Variants in PTPRT observed in about 807,000 individuals in gnomAD.
PTPRT encodes the protein protein tyrosine phosphatase receptor type T, also known as receptor-type tyrosine-protein phosphatase T.
A neutral mutation model predicts 176.8 loss-of-function variants in PTPRT; 56 were observed. The ratio of observed to expected loss-of-function variants is 0.32; its 90% CI spans 0.26 to 0.40. The LOEUF (loss-of-function observed/expected upper bound fraction) is 0.40, where lower values mean the gene tolerates loss of function less well. Ranked by LOEUF, PTPRT falls within the 10% of genes least tolerant of loss-of-function variation. PTPRT has a pLI of 1.00. For synonymous variants in PTPRT, 783 were observed against 739.0 expected (o/e 1.06, Z -0.96); for missense variants, 1,540 against 1,908.2 (o/e 0.81, Z 3.60).
At chr20:42,556,393 A>C (rs2072861203) in intron 7 of PTPRT, among the ~76,000 whole-genome samples, 1 of 152,128 alleles carries the variant, frequency 6.6e-6, no homozygotes, top group Non-Finnish European at 1.5e-5. Context: ...CATATTTACA[A>C]ATGAGAACAC....
intron 1 of PTPRT, among the ~76,000 whole-genome samples, chr20:43,061,633 A>G (rs1987466536): frequency 6.6e-6 from 1 of 152,206 alleles, no homozygotes; most frequent in Non-Finnish European, 1.5e-5. Flanking sequence ...TCTACTGAGC[A>G]CTTACTCCAT....
At chr20:42,877,805 A>G (rs1235262597) in intron 2 of PTPRT, among the ~76,000 whole-genome samples, 1 of 152,188 alleles carries the variant, frequency 6.6e-6, no homozygotes, top group Non-Finnish European at 1.5e-5. Flanking sequence ...TGGATTGACT[A>G]GTGCTTGGAC....
At chr20:42,655,871 G>A (rs6124482) in intron 7 of PTPRT, among the ~76,000 whole-genome samples, 9,326 of 152,204 alleles carry the variant, frequency 0.061, 503 homozygotes, top group East Asian at 0.3. Flanking sequence ...CAGGCATAAG[G>A]ACTTGAAGTT....
At chr20:42,366,100 C>A (rs1323088970) in intron 9 of PTPRT, among the ~76,000 whole-genome samples, 1 of 152,224 alleles carries the variant, frequency 6.6e-6, no homozygotes, top group African/African-American at 2.4e-5. Context: ...TTCAGCCTGG[C>A]CACAACTCAG....
intron 3 of PTPRT, among the ~76,000 whole-genome samples, chr20:42,782,039 C>T (rs1463384286): frequency 1.3e-5 from 2 of 152,180 alleles, no homozygotes; most frequent in Non-Finnish European, 2.9e-5. Flanking sequence ...ATGTATGGCA[C>T]ATGGTACATT....
the PTPRT span, among the ~76,000 whole-genome samples, chr20:42,040,524 A>G: frequency 1.3e-5 from 2 of 152,280 alleles, no homozygotes; most frequent in East Asian, 1.9e-4. Flanking sequence ...AGGAAGGCCC[A>G]TCTACTTTCC....
chr20:42,884,691 G>A lies in PTPRT; in HGVS notation c.214+1116C>T, dbSNP rs147984642. 5.4e-3 allele frequency among the ~76,000 whole-genome samples: 818 copies of A among 152,274 alleles called. 1 individual carries two copies. The highest frequency in any genetic ancestry group is 9.2e-3 in the Non-Finnish European group (626 of 68,016). On this transcript the variant is annotated intron_variant, in intron 2 of 30. Coordinates refer to ENST00000373187, the MANE Select transcript of PTPRT (RefSeq NM_007050.6). ...CCATGGCCAGAGTGCACTGACAGGG[G>A]AGACTGAGAAAGAGCACCTGGGGGA...
At chr20:42,257,835 T>C (rs1246245197) in intron 13 of PTPRT, among the ~76,000 whole-genome samples, 1 of 151,826 alleles carries the variant, frequency 6.6e-6, no homozygotes, top group East Asian at 1.9e-4. Flanking sequence ...TACCCAGTCC[T>C]GGGTATTTAT....
At chr20:43,187,256 T>C (rs1389348185) in intron 1 of PTPRT, among the ~76,000 whole-genome samples, 4 of 152,198 alleles carry the variant, frequency 2.6e-5, no homozygotes, top group African/African-American at 9.7e-5. Context: ...CAAAAGAACA[T>C]GGAAAACACA....
chr20:43,035,534 G>T (rs911895210), intron 1 of PTPRT, among the ~76,000 whole-genome samples: 1 of 152,216 alleles, frequency 6.6e-6, no homozygotes, highest in East Asian at 1.9e-4. Context: ...TCTGGCCTCT[G>T]TTCTAGAGGA....
intron 1 of PTPRT, among the ~76,000 whole-genome samples, chr20:42,945,112 T>TTA (rs999361207): frequency 1.3e-5 from 2 of 148,708 alleles, no homozygotes; most frequent in Non-Finnish European, 3.0e-5. Flanking sequence ...TATGTGATAT[T>TTA]TATATATATA....
chr20:43,076,071 A>C (rs2011266983), intron 1 of PTPRT, among the ~76,000 whole-genome samples: 1 of 152,164 alleles, frequency 6.6e-6, no homozygotes, highest in Non-Finnish European at 1.5e-5. Flanking sequence ...AATCATTCCC[A>C]CTACTATAAT....
intron 1 of PTPRT, among the ~76,000 whole-genome samples, chr20:42,977,790 AT>A (rs1224570718): frequency 1.6e-4 from 24 of 152,358 alleles, no homozygotes; most frequent in African/African-American, 4.3e-4. Flanking sequence ...ATTGCTGAAC[AT>A]TTAAAATTGT....
At chr20:42,880,001 C>T (rs532441449) in intron 2 of PTPRT, among the ~76,000 whole-genome samples, 1 of 152,206 alleles carries the variant, frequency 6.6e-6, no homozygotes, top group African/African-American at 2.4e-5. Flanking sequence ...GAAGGGTGTG[C>T]TTTTGAAGGC....
intron 7 of PTPRT, among the ~76,000 whole-genome samples, chr20:42,485,271 A>C (rs2071447749): frequency 6.6e-6 from 1 of 152,232 alleles, no homozygotes; most frequent in Non-Finnish European, 1.5e-5. Context: ...TTCAATTCCC[A>C]CTTGATTCAT....
chr20:42,034,954 G>A, the PTPRT span, among the ~76,000 whole-genome samples: 5 of 152,148 alleles, frequency 3.3e-5, no homozygotes, highest in East Asian at 1.9e-4. Context: ...CTAGGACCCT[G>A]GGTTGGGGAG....
At chr20:42,425,463 T>C (rs1252167887) in intron 9 of PTPRT, among the ~76,000 whole-genome samples, 2 of 152,156 alleles carry the variant, frequency 1.3e-5, no homozygotes, top group Non-Finnish European at 2.9e-5. Context: ...TCCTCCAAAC[T>C]AGGGGGTGAA....
chr20:42,463,701 G>A lies in PTPRT; in HGVS notation c.1450+8565C>T, dbSNP rs539626347. Reference sequence around the variant, plus strand: ...GGTAGATATGAGGAATACCAAGGTAGTATATATAAAAGCAGATAGCCATGT... The same window carrying A: ...GGTAGATATGAGGAATACCAAGGTAATATATATAAAAGCAGATAGCCATGT... On this transcript the variant is annotated intron_variant, in intron 8 of 30. Transcript: ENST00000373187. Among the ~76,000 whole-genome samples, 185 of 152,192 alleles carry A rather than the reference G, an allele frequency of 1.2e-3. 2 individuals carry two copies. Among genetic ancestry groups the A allele is most frequent in the African/African-American group, 4.2e-3 (176 of 41,530 alleles).
intron 22 of PTPRT, among the ~76,000 whole-genome samples, chr20:42,112,817 C>T (rs1268473399): frequency 6.6e-6 from 1 of 152,178 alleles, no homozygotes; most frequent in Non-Finnish European, 1.5e-5. Context: ...GCAGACAGTC[C>T]TGTTAGGAGG....
Sources: allele counts gnomAD v4.1 joint callset (sites outside exome capture counted in the v4.1 genomes callset), GRCh38; gene constraint gnomAD v4.1.1; transcripts MANE v1.5; gene names NCBI Gene and HGNC (gene_info 2026-07-23, HGNC 2026-07-21).